The following ZFAND3 variants were observed in gnomAD, a reference collection of about 807,000 sequenced individuals.
The protein encoded by ZFAND3 is zinc finger AN1-type containing 3, also known as AN1-type zinc finger protein 3.
A neutral mutation model predicts 29.6 loss-of-function variants in ZFAND3; 10 were observed. The observed-to-expected ratio is 0.34, with a 90% CI of 0.21 to 0.57. ZFAND3 has a LOEUF of 0.57. ZFAND3 is among the 20% of genes least tolerant of loss of function. ZFAND3 has a pLI of 0.86. For synonymous variants in ZFAND3, 128 were observed against 112.6 expected, an observed-to-expected ratio of 1.14 and a Z score of -0.87; for missense variants, 230 against 304.5, an observed-to-expected ratio of 0.76 and a Z score of 1.82.
intron 1 of ZFAND3, among the ~76,000 whole-genome samples, chr6:37,877,192 C>G (rs745542690): frequency 2.0e-5 from 3 of 152,024 alleles, no homozygotes; most frequent in Non-Finnish European, 4.4e-5. Flanking sequence ...CAAATCATAC[C>G]ACTTCTTTCT....
intron 1 of ZFAND3, among the ~76,000 whole-genome samples, chr6:37,911,799 G>T (rs1369602725): frequency 6.6e-6 from 1 of 152,168 alleles, no homozygotes; most frequent in Non-Finnish European, 1.5e-5. Context: ...AGATGAGCTT[G>T]TATATTGAAA....
intron 2 of ZFAND3, among the ~76,000 whole-genome samples, chr6:37,979,951 A>C (rs1762552228): frequency 6.6e-6 from 1 of 152,166 alleles, no homozygotes; most frequent in Admixed American, 6.5e-5. Flanking sequence ...TAGTTTCTTA[A>C]AATTCTAATT....
intron 2 of ZFAND3, among the ~76,000 whole-genome samples, chr6:37,968,341 G>C (rs896222153): frequency 1.3e-5 from 2 of 151,518 alleles, no homozygotes; most frequent in African/African-American, 4.9e-5. Context: ...CCATTGATAG[G>C]ATATTATGCA....
At chr6:38,048,035 C>G (rs1157862322) in intron 2 of ZFAND3, among the ~76,000 whole-genome samples, 1 of 149,598 alleles carries the variant, frequency 6.7e-6, no homozygotes, top group Non-Finnish European at 1.5e-5. Context: ...GACAGGGTCT[C>G]ACTCTGTTGT....
rs1766305961 is a variant in ZFAND3 at position 38,154,351 on chromosome 6, T to C, written c.*1962T>C. The C allele has an allele frequency of 2.1e-6, 2 of 956,200 alleles. No individual in the cohort carries two copies. The highest frequency in any genetic ancestry group is 2.5e-6 in the Non-Finnish European group (2 of 809,634). 59.2% of individuals were successfully genotyped at this position (956,200 alleles called of 1,614,324 possible). The stretch of plus-strand genomic sequence containing the variant: ...AGCTGGCCTGGGGGAGCGAAGCCCA[T>C]GTTCGCTTCCTGACTTAGAGCTGGG... On this transcript the variant is annotated 3_prime_UTR_variant, in exon 6 of 6. Coordinates refer to ENST00000287218, the MANE Select transcript of ZFAND3 (RefSeq NM_021943.3).
intron 1 of ZFAND3, among the ~76,000 whole-genome samples, chr6:37,835,860 A>G (rs1292106437): frequency 6.6e-6 from 1 of 152,234 alleles, no homozygotes; most frequent in Non-Finnish European, 1.5e-5. Context: ...CATCCTGTAT[A>G]ATAAATGGCA....
intron 1 of ZFAND3, among the ~76,000 whole-genome samples, chr6:37,860,884 C>T (rs1269900078): frequency 6.6e-6 from 1 of 152,052 alleles, no homozygotes; most frequent in African/African-American, 2.4e-5. Context: ...TATGGTACTC[C>T]ATGAAGCCTT....
At chr6:38,072,435 C>A (rs573408607) in intron 3 of ZFAND3, among the ~76,000 whole-genome samples, 6 of 152,292 alleles carry the variant, frequency 3.9e-5, no homozygotes, top group African/African-American at 1.4e-4. Context: ...ACTGTCCCCC[C>A]TGCCCCCAAT....
chr6:37,909,200 T>G (rs548238813), intron 1 of ZFAND3, among the ~76,000 whole-genome samples: 1 of 152,304 alleles, frequency 6.6e-6, no homozygotes, highest in Admixed American at 6.5e-5. Flanking sequence ...GATAGAGAAA[T>G]TAATGGAATC....
At chr6:37,852,722 T>C (rs912015304) in intron 1 of ZFAND3, among the ~76,000 whole-genome samples, 6 of 150,264 alleles carry the variant, frequency 4.0e-5, no homozygotes, top group African/African-American at 7.3e-5. Flanking sequence ...CTTTTCTTTT[T>C]TTTTTTTTTT....
At chr6:38,069,853 A>G (rs1764418105) in intron 3 of ZFAND3, among the ~76,000 whole-genome samples, 1 of 152,232 alleles carries the variant, frequency 6.6e-6, no homozygotes, top group African/African-American at 2.4e-5. Flanking sequence ...TAAGAACCAG[A>G]TTAAAGCAAA....
intron 1 of ZFAND3, among the ~76,000 whole-genome samples, chr6:37,846,714 T>TG (rs572965130): frequency 1.6e-3 from 240 of 151,838 alleles, no homozygotes; most frequent in South Asian, 2.7e-3. Flanking sequence ...ATTTTTTTTT[T>TG]TTTGTTTTTT....
At chr6:37,868,814 T>C (rs1764637327) in intron 1 of ZFAND3, among the ~76,000 whole-genome samples, 1 of 152,244 alleles carries the variant, frequency 6.6e-6, no homozygotes, top group Non-Finnish European at 1.5e-5. Context: ...GCTCATGTTT[T>C]CTTTGTCACA....
chr6:38,111,958 C>G (rs1765329475), intron 4 of ZFAND3, among the ~76,000 whole-genome samples: 1 of 152,136 alleles, frequency 6.6e-6, no homozygotes, highest in South Asian at 2.1e-4. Flanking sequence ...TTGGGGGGTC[C>G]TGGAACCAAT....
chr6:38,052,313 A>C (rs1764042505), intron 2 of ZFAND3, among the ~76,000 whole-genome samples: 1 of 152,162 alleles, frequency 6.6e-6, no homozygotes, highest in Non-Finnish European at 1.5e-5. Context: ...ATAAGGAAGA[A>C]ATTTTTATAT....
At chr6:38,089,895 C>G (rs1303705194) in intron 4 of ZFAND3, among the ~76,000 whole-genome samples, 1 of 152,138 alleles carries the variant, frequency 6.6e-6, no homozygotes. Flanking sequence ...GGTCTGTCAC[C>G]CAGGCTGGAG....
At position 37,899,090 on chromosome 6, in the gene ZFAND3, G is replaced by A. The variant is rs539780167; in HGVS notation, c.72-30869G>A. ...TTGTTTTTGTATTTTTAGTAGAGAC[G>A]GGGTTTCACCGTGTTAGTCAGTGTG... On this transcript the variant is annotated intron_variant, in intron 1 of 5. Transcript: ENST00000287218. Among the ~76,000 whole-genome samples the A allele has an allele frequency of 5.3e-5, 8 of 152,020 alleles. No individual in the cohort carries two copies. In the South Asian group the frequency reaches 1.0e-3, roughly 20 times the overall value.
intron 2 of ZFAND3, among the ~76,000 whole-genome samples, chr6:37,971,497 A>G (rs1762386385): frequency 6.6e-6 from 1 of 152,202 alleles, no homozygotes; most frequent in Non-Finnish European, 1.5e-5. Flanking sequence ...TTCTTCTACA[A>G]TGACTGAATC....
intron 1 of ZFAND3, among the ~76,000 whole-genome samples, chr6:37,876,917 T>G (rs76228807): frequency 5.9e-5 from 9 of 152,172 alleles, no homozygotes; most frequent in Non-Finnish European, 2.9e-5. Context: ...ATTCCTTTGC[T>G]TTGAAGATAT....
Sources: allele counts gnomAD v4.1 joint callset (sites outside exome capture counted in the v4.1 genomes callset), GRCh38; gene constraint gnomAD v4.1.1; transcripts MANE v1.5; gene names NCBI Gene and HGNC (gene_info 2026-07-23, HGNC 2026-07-21).